MRPL52: variants seen among roughly 807,000 people sequenced by gnomAD.
MRPL52 encodes mitochondrial ribosomal protein L52.
Under a neutral mutation model 22.1 loss-of-function variants are expected in MRPL52, and 19 were observed. The observed-to-expected ratio is 0.86, with a 90% CI of 0.60 to 1.26. The LOEUF (loss-of-function observed/expected upper bound fraction) is 1.26. Among genes scored for constraint, MRPL52 ranks in the 50% most tolerant of loss-of-function variants. MRPL52 has a pLI of 0.00. For missense variants in MRPL52, 152 were observed against 148.1 expected (o/e 1.03, Z -0.14); for synonymous variants, 50 against 57.5 (o/e 0.87, Z 0.59).
intron 3 of MRPL52, among the ~76,000 whole-genome samples, chr14:22,832,533 G>A (rs537155874): frequency 6.6e-6 from 1 of 151,816 alleles, no homozygotes; most frequent in Non-Finnish European, 1.5e-5. Context: ...GTAGAGACAG[G>A]GTTTCACCGT....
At chr14:22,831,020 T>C in intron 3 of MRPL52, 1 of 1,533,190 alleles carries the variant, frequency 6.5e-7, no homozygotes, top group Non-Finnish European at 8.7e-7. Flanking sequence ...TGAAGATTTT[T>C]TCTACTTGTT....
chr14:22,832,810 C>G (rs549191804), intron 3 of MRPL52, among the ~76,000 whole-genome samples: 1 of 151,874 alleles, frequency 6.6e-6, no homozygotes, highest in Non-Finnish European at 1.5e-5. Context: ...ACCTGGGAGG[C>G]GGAAGTTGCG....
chr14:22,833,164 G>A (rs960986442), intron 3 of MRPL52: 6 of 335,300 alleles, frequency 1.8e-5, no homozygotes, highest in African/African-American at 6.5e-5. Flanking sequence ...GCAACAGAGC[G>A]AGACTGTCTC....
At position 22,829,996 on chromosome 14, in the gene MRPL52, G is replaced by T. The variant is rs74967947; in HGVS notation, c.28+56G>T. ...CGGGGGCCCTTTGGGGACGGGCACA[G>T]GACCCCTGATCCGGCTGCGCGGCCT... On this transcript the variant is annotated intron_variant, in intron 1 of 4. Coordinates refer to ENST00000397496, the MANE Select transcript of MRPL52 (RefSeq NM_180982.3). 1.7e-3 allele frequency: 2,748 copies of T among 1,613,278 alleles called. 46 individuals carry two copies. The African/African-American group carries it at 0.032, about 19-fold the overall frequency.
intron 3 of MRPL52, chr14:22,830,599 G>C (rs1460516819): frequency 2.4e-6 from 1 of 409,598 alleles, no homozygotes; most frequent in African/African-American, 2.1e-5. Flanking sequence ...TGAATTTTCA[G>C]TATTTGGTAC....
In MRPL52 at chr14:22,832,636, G is replaced by A. The variant is rs141981494; in HGVS notation, c.155-782G>A. ...ATCACAGGTGTGAGCCACCACGCCT[G>A]GCCAAGAGTTTCTGAAGACAAAACA... is the stretch of plus-strand genomic sequence containing the variant. On this transcript the variant is annotated intron_variant, in intron 3 of 4. Coordinates refer to ENST00000397496, the MANE Select transcript of MRPL52 (RefSeq NM_180982.3). 2.6e-5 allele frequency among the ~76,000 whole-genome samples: 4 copies of A among 152,192 alleles called. No individual in the cohort carries two copies. In the East Asian group the frequency reaches 7.7e-4, roughly 29 times the overall value.
chr14:22,834,048 GC>G, intron 4 of MRPL52, 123 bp from the exon 5 acceptor site: 1 of 1,078,890 alleles, frequency 9.3e-7, no homozygotes, highest in Non-Finnish European at 1.3e-6. Context: ...GCCAGAACTC[GC>G]TCCCACTGGG....
chr14:22,832,334 G>T (rs930825197), intron 3 of MRPL52, among the ~76,000 whole-genome samples: 17 of 151,630 alleles, frequency 1.1e-4, no homozygotes, highest in Non-Finnish European at 2.4e-4. Flanking sequence ...AGAGTTTCTG[G>T]TTTTTTTTGT....
At chr14:22,833,166 G>T in intron 3 of MRPL52, 1 of 350,292 alleles carries the variant, frequency 2.9e-6, no homozygotes, top group South Asian at 3.5e-5. Flanking sequence ...AACAGAGCGA[G>T]ACTGTCTCAA....
intron 3 of MRPL52, chr14:22,830,465 G>A: frequency 1.7e-6 from 1 of 600,862 alleles, no homozygotes; most frequent in East Asian, 2.8e-5. Flanking sequence ...ATCTTGGCTT[G>A]TGGAGATAAG....
Position 22,830,016 on chromosome 14 carries a change from C to T in MRPL52, c.29-37C>T, listed in dbSNP as rs368069793. 2.9e-5 allele frequency: 47 copies of T among 1,613,482 alleles called. No individual in the cohort carries two copies. The African/African-American group carries it at 4.5e-4, about 16-fold the overall frequency. On this transcript the variant is annotated intron_variant, in intron 1 of 4. Transcript: ENST00000397496. ...GCACAGGACCCCTGATCCGGCTGCGCGGCCTCTCCCCCAACTCTGCTCTGT... is the reference window on the plus strand; with the variant it reads ...GCACAGGACCCCTGATCCGGCTGCGTGGCCTCTCCCCCAACTCTGCTCTGT...
chr14:22,834,376 C>G lies in MRPL52; in HGVS notation c.*55C>G, dbSNP rs945544482. ...TGTCTCTGGATTTCTTTTCTATCAC[C>G]TAGATGCTTCATCCAGCCAGAAGAT... On this transcript the variant is annotated 3_prime_UTR_variant, in exon 5 of 5. Transcript: ENST00000397496. 1.9e-6 allele frequency: 3 copies of G among 1,538,740 alleles called. No homozygotes were observed. The highest frequency in any genetic ancestry group is 2.8e-5 in the African/African-American group (2 of 72,008).
rs2039694102 is a variant in MRPL52 at position 22,834,394 on chromosome 14, C to A, written c.*73C>A. 1 of 1,477,464 alleles carries A rather than the reference C, an allele frequency of 6.8e-7. No homozygotes were observed. The highest frequency in any genetic ancestry group is 9.1e-7 in the Non-Finnish European group (1 of 1,104,364). 91.5% of individuals were successfully genotyped at this position (1,477,464 alleles called of 1,614,324 possible). ...CTATCACCTAGATGCTTCATCCAGC[C>A]AGAAGATAGCCTTCACGTTCCCCAT... On this transcript the variant is annotated 3_prime_UTR_variant, in exon 5 of 5. Coordinates refer to ENST00000397496, the MANE Select transcript of MRPL52 (RefSeq NM_180982.3).
At chr14:22,834,129 GA>G (rs1328082905) in intron 4 of MRPL52, 42 bp from the exon 5 acceptor site, 1 of 1,605,808 alleles carries the variant, frequency 6.2e-7, no homozygotes, top group Admixed American at 1.7e-5. Context: ...GTATAGCGCT[GA>G]AGTCCCAGAT....
At position 22,834,460 on chromosome 14, in the gene MRPL52, T is replaced by A; in HGVS notation, c.*139T>A. On this transcript the variant is annotated 3_prime_UTR_variant, in exon 5 of 5. Coordinates refer to ENST00000397496, the MANE Select transcript of MRPL52 (RefSeq NM_180982.3). ...AAGAGCTGGGACACCAAGAACAAGC[T>A]GTTAGATCACTGCCTGGGAGGCTTG... 1.0e-6 allele frequency: 1 copy of A among 965,028 alleles called. No individual in the cohort carries two copies. The highest frequency in any genetic ancestry group is 1.5e-6 in the Non-Finnish European group (1 of 659,940). 59.8% of individuals were successfully genotyped at this position (965,028 alleles called of 1,614,324 possible). A position where few individuals can be genotyped will look rare whatever the true frequency, so the allele number is the denominator to read the frequency against.
chr14:22,830,108 A>G lies in MRPL52; in HGVS notation c.84A>G (p.Leu28=). The stretch of plus-strand genomic sequence containing the variant: ...CTTGGGCGGGCGGCCAGTGGCGACT[A>G]CAGTGAGTCCTGGGATGAGGGCACC... The part of the protein sequence containing the change: ...VAAWAGGQWR[L]QQGLAANPSG... The change falls in exon 2 of 5, where the codon CTA becomes CTG. Residue 28 remains leucine, a splice_region_variant and synonymous_variant. Coordinates refer to ENST00000397496, the MANE Select transcript of MRPL52 (RefSeq NM_180982.3). The G allele has an allele frequency of 6.2e-7, 1 of 1,614,202 alleles. No homozygotes were observed. The highest frequency in any genetic ancestry group is 8.5e-7 in the Non-Finnish European group (1 of 1,180,014).
rs138731228 is a variant in MRPL52 at position 22,833,063 on chromosome 14, A to C, written c.155-355A>C. ...GATGGTGGCACGTGTTTGTAGTCCC[A>C]GCTACTCGGGAGTCTGAGGCAGGAT... On this transcript the variant is annotated intron_variant, in intron 3 of 4. Coordinates refer to ENST00000397496, the MANE Select transcript of MRPL52 (RefSeq NM_180982.3). Among the ~76,000 whole-genome samples the C allele has an allele frequency of 3.4e-3, 518 of 152,182 alleles. 3 individuals carry two copies. The highest frequency in any genetic ancestry group is 2.3e-3 in the Non-Finnish European group (156 of 68,010).
At position 22,834,402 on chromosome 14, in the gene MRPL52, A is replaced by G; in HGVS notation, c.*81A>G. 1.4e-6 allele frequency: 2 copies of G among 1,444,306 alleles called. No individual in the cohort carries two copies. Among genetic ancestry groups the G allele is most frequent in the East Asian group, 4.9e-5 (2 of 40,890 alleles). 89.5% of individuals were successfully genotyped at this position (1,444,306 alleles called of 1,614,324 possible). A position where few individuals can be genotyped will look rare whatever the true frequency, so the allele number is the denominator to read the frequency against. On this transcript the variant is annotated 3_prime_UTR_variant, in exon 5 of 5. Transcript: ENST00000397496. Reference sequence around the variant, plus strand: ...TAGATGCTTCATCCAGCCAGAAGATAGCCTTCACGTTCCCCATCTGTCTTC... The same window carrying G: ...TAGATGCTTCATCCAGCCAGAAGATGGCCTTCACGTTCCCCATCTGTCTTC...
At chr14:22,833,725 G>A (rs1263869532) in intron 4 of MRPL52, among the ~76,000 whole-genome samples, 1 of 152,204 alleles carries the variant, frequency 6.6e-6, no homozygotes. Flanking sequence ...GGGTTCAAGC[G>A]ATTCTCCAGC....
Sources: gnomAD v4.1 joint callset for allele counts (sites outside exome capture counted in the v4.1 genomes callset) on GRCh38, gnomAD v4.1.1 for gene constraint, MANE v1.5 for transcripts, NCBI Gene and HGNC (gene_info 2026-07-23, HGNC 2026-07-21) for gene names.